FHIT: variants seen among roughly 807,000 people sequenced by gnomAD.
FHIT encodes the protein bis(5'-adenosyl)-triphosphatase.
Under a neutral mutation model 17.9 loss-of-function variants are expected in FHIT, and 19 were observed. The observed-to-expected ratio is 1.06, with a 90% CI of 0.74 to 1.56. The LOEUF (loss-of-function observed/expected upper bound fraction) is 1.56. Among genes scored for constraint, FHIT ranks in the 40% most tolerant of loss-of-function variants. The pLI, the probability that FHIT is intolerant of heterozygous loss-of-function variation, is 0.00. For missense variants in FHIT, 248 were observed against 189.2 expected, an observed-to-expected ratio of 1.31 and a Z score of -1.82; for synonymous variants, 81 against 69.7, an observed-to-expected ratio of 1.16 and a Z score of -0.81.
At chr3:60,051,492 T>C (rs550968107) in intron 5 of FHIT, among the ~76,000 whole-genome samples, 1 of 152,142 alleles carries the variant, frequency 6.6e-6, no homozygotes, top group South Asian at 2.1e-4. Context: ...AAAGACTACC[T>C]AGAACAGGGA....
chr3:60,299,986 C>A (rs78667350), intron 5 of FHIT, among the ~76,000 whole-genome samples: 2,975 of 152,194 alleles, frequency 0.02, 86 homozygotes, highest in African/African-American at 0.055. Context: ...TGTAACCTTT[C>A]CTTTTGTCTG....
intron 4 of FHIT, among the ~76,000 whole-genome samples, chr3:60,821,395 C>T (rs1553739304): frequency 6.6e-6 from 1 of 152,146 alleles, no homozygotes; most frequent in African/African-American, 2.4e-5. Context: ...CCAGCATATG[C>T]CCTAGGACTT....
At chr3:60,787,576 C>A (rs1196627251) in intron 4 of FHIT, among the ~76,000 whole-genome samples, 1 of 152,242 alleles carries the variant, frequency 6.6e-6, no homozygotes, top group African/African-American at 2.4e-5. Flanking sequence ...CCAACACTTG[C>A]ATATGCCTTG....
chr3:60,239,319 A>T (rs1367442361), intron 5 of FHIT, among the ~76,000 whole-genome samples: 1 of 152,030 alleles, frequency 6.6e-6, no homozygotes, highest in African/African-American at 2.4e-5. Context: ...CACTAACTTG[A>T]TTTGGAAGGC....
chr3:60,130,086 T>G (rs546854784), intron 5 of FHIT, among the ~76,000 whole-genome samples: 1 of 152,180 alleles, frequency 6.6e-6, no homozygotes. Flanking sequence ...TGTTAGAAGT[T>G]CCTCTTTCCC....
At chr3:61,032,565 GA>G (rs1459527420) in intron 3 of FHIT, among the ~76,000 whole-genome samples, 1 of 152,144 alleles carries the variant, frequency 6.6e-6, no homozygotes, top group Non-Finnish European at 1.5e-5. Flanking sequence ...AAGGAGCAGG[GA>G]AAACACATTC....
chr3:59,756,341 T>A (rs896979658), intron 8 of FHIT, among the ~76,000 whole-genome samples: 26 of 152,282 alleles, frequency 1.7e-4, no homozygotes, highest in African/African-American at 5.5e-4. Flanking sequence ...CCCTCACTAA[T>A]CCCTAATCCT....
intron 7 of FHIT, among the ~76,000 whole-genome samples, chr3:59,936,166 T>A (rs1327880089): frequency 6.6e-6 from 1 of 152,218 alleles, no homozygotes; most frequent in Non-Finnish European, 1.5e-5. Flanking sequence ...TGTGGTTCTC[T>A]CTCAGGAGAG....
chr3:61,087,422 G>T (rs1188053055), intron 2 of FHIT, among the ~76,000 whole-genome samples: 1 of 152,060 alleles, frequency 6.6e-6, no homozygotes, highest in Non-Finnish European at 1.5e-5. Context: ...CTTTCCAGAT[G>T]TATAACTTCC....
chr3:60,443,779 C>T (rs565995998), intron 5 of FHIT, among the ~76,000 whole-genome samples: 13 of 151,900 alleles, frequency 8.6e-5, no homozygotes, highest in Admixed American at 2.6e-4. Flanking sequence ...AGGATGATGC[C>T]GGCCTCATAC....
At chr3:60,817,211 T>C (rs1469960507) in intron 4 of FHIT, among the ~76,000 whole-genome samples, 1 of 152,074 alleles carries the variant, frequency 6.6e-6, no homozygotes, top group Non-Finnish European at 1.5e-5. Flanking sequence ...CATATTACAT[T>C]ATAAACACCA....
At chr3:61,210,460 C>T (rs1246543991) in intron 1 of FHIT, among the ~76,000 whole-genome samples, 2 of 152,230 alleles carry the variant, frequency 1.3e-5, no homozygotes, top group African/African-American at 2.4e-5. Flanking sequence ...CCACCCAGAG[C>T]GAGCTTCCTG....
chr3:60,535,627 ATTAT>A (rs1175550264), intron 5 of FHIT, among the ~76,000 whole-genome samples: 1 of 151,984 alleles, frequency 6.6e-6, no homozygotes, highest in African/African-American at 2.4e-5. Context: ...GTTTTCTAAT[ATTAT>A]TTAGACTCAT....
At position 59,923,020 on chromosome 3, in the gene FHIT, G is replaced by C. The variant is rs148631368; in HGVS notation, c.280-606C>G. On this transcript the variant is annotated intron_variant, in intron 7 of 9. Transcript: ENST00000492590. ...CATGCCTGTAATCCCAGCACTTTGG[G>C]AGGCCGAGGTGGGCGGATCACGAGG... Among the ~76,000 whole-genome samples, 63 of 151,992 alleles carry C rather than the reference G, an allele frequency of 4.1e-4. 1 individual carries two copies. Among genetic ancestry groups the C allele is most frequent in the African/African-American group, 1.3e-3 (55 of 41,442 alleles).
chr3:60,988,972 A>G (rs1213714461), intron 3 of FHIT, among the ~76,000 whole-genome samples: 1 of 143,088 alleles, frequency 7.0e-6, no homozygotes, highest in Admixed American at 7.0e-5. Flanking sequence ...AAAAAAAAAA[A>G]AAACAAGATA....
In FHIT at chr3:60,328,383, A is replaced by G. The variant is rs1027079349; in HGVS notation, c.103+208477T>C. The stretch of plus-strand genomic sequence containing the variant: ...AGGTTTAATGGACTCACACTTCCAC[A>G]TGGCTGGAGAGGCCTTACAATCATG... On this transcript the variant is annotated intron_variant, in intron 5 of 9. Transcript: ENST00000492590. 5.3e-5 allele frequency among the ~76,000 whole-genome samples: 8 copies of G among 152,336 alleles called. No individual in the cohort carries two copies. The East Asian group carries it at 1.3e-3, about 26-fold the overall frequency.
At chr3:59,931,392 T>C (rs1274933314) in intron 7 of FHIT, among the ~76,000 whole-genome samples, 1 of 152,172 alleles carries the variant, frequency 6.6e-6, no homozygotes, top group African/African-American at 2.4e-5. Flanking sequence ...GACAGCCACT[T>C]AGTTCTAAAA....
chr3:60,534,765 C>A (rs931774742), intron 5 of FHIT, among the ~76,000 whole-genome samples: 5 of 152,232 alleles, frequency 3.3e-5, no homozygotes, highest in South Asian at 2.1e-4. Flanking sequence ...TATAAAGTAA[C>A]TGAGCAGGGT....
intron 4 of FHIT, among the ~76,000 whole-genome samples, chr3:60,719,468 T>C (rs926234868): frequency 1.3e-5 from 2 of 152,242 alleles, no homozygotes; most frequent in Admixed American, 1.3e-4. Context: ...AGCTGTAGAG[T>C]TTATGATTAA....
Sources: allele counts gnomAD v4.1 joint callset (sites outside exome capture counted in the v4.1 genomes callset), GRCh38; gene constraint gnomAD v4.1.1; transcripts MANE v1.5; gene names NCBI Gene and HGNC (gene_info 2026-07-23, HGNC 2026-07-21).